Variants in MAML2 observed in about 807,000 individuals in gnomAD.
MAML2 encodes the protein mastermind-like protein 2.
A neutral mutation model predicts 96.1 loss-of-function variants in MAML2; 22 were observed. The observed-to-expected ratio is 0.23, with a 90% confidence interval of 0.16 to 0.33. The LOEUF (loss-of-function observed/expected upper bound fraction) is 0.33. Ranked by LOEUF, MAML2 falls within the 10% of genes least tolerant of loss-of-function variation. The pLI is 1.00. For missense variants in MAML2, 1,367 were observed against 1,392.4 expected, an observed-to-expected ratio of 0.98 and a Z score of 0.29; for synonymous variants, 561 against 521.3, an observed-to-expected ratio of 1.08 and a Z score of -1.04.
intron 1 of MAML2, among the ~76,000 whole-genome samples, chr11:96,208,506 C>T (rs1861924977): frequency 6.6e-6 from 1 of 152,154 alleles, no homozygotes; most frequent in Non-Finnish European, 1.5e-5. Flanking sequence ...ACTCTTGTTT[C>T]ATTTATTTCA....
chr11:96,291,013 AG>A (rs1318387864), intron 1 of MAML2, among the ~76,000 whole-genome samples: 3 of 143,332 alleles, frequency 2.1e-5, no homozygotes, highest in African/African-American at 7.6e-5. Context: ...TAACTTCTAA[AG>A]GCAAAAAAAC....
intron 1 of MAML2, among the ~76,000 whole-genome samples, chr11:96,293,337 A>C (rs1863242632): frequency 6.6e-6 from 1 of 152,226 alleles, no homozygotes; most frequent in Non-Finnish European, 1.5e-5. Context: ...GATATGAAAA[A>C]AAATTCACTG....
intron 1 of MAML2, among the ~76,000 whole-genome samples, chr11:96,132,665 G>A (rs182712257): frequency 1.4e-4 from 21 of 152,276 alleles, no homozygotes; most frequent in South Asian, 1.2e-3. Context: ...TGTTCTTAGC[G>A]TTCTGACAAC....
rs566664741 is a variant in MAML2, at chr11:96,072,035, G to C, written c.2139+19857C>G. ...TTGTATTTTTTTTAAAGTTAGGTGG[G>C]GCGTAAGATTTTACAGGATGTAGAA... On this transcript the variant is annotated intron_variant, in intron 2 of 4. Transcript: ENST00000524717. Among the ~76,000 whole-genome samples, 58 of 152,162 alleles carry C rather than the reference G, an allele frequency of 3.8e-4. 1 individual carries two copies. In the South Asian group the frequency reaches 0.012, roughly 31 times the overall value.
At chr11:96,232,698 C>G (rs539541468) in intron 1 of MAML2, among the ~76,000 whole-genome samples, 70 of 152,286 alleles carry the variant, frequency 4.6e-4, no homozygotes, top group African/African-American at 1.5e-3. Context: ...GTCTCGATCT[C>G]CTGACCTCGC....
chr11:96,217,066 A>G (rs2135943293), intron 1 of MAML2, among the ~76,000 whole-genome samples: 1 of 152,326 alleles, frequency 6.6e-6, no homozygotes, highest in East Asian at 1.9e-4. Flanking sequence ...AAGCAGACCA[A>G]TATGTTCGAA....
At chr11:96,333,895 G>A (rs979507868) in intron 1 of MAML2, among the ~76,000 whole-genome samples, 2 of 152,142 alleles carry the variant, frequency 1.3e-5, no homozygotes, top group African/African-American at 4.8e-5. Context: ...CCAATAGATG[G>A]TTTAAATTTC....
At chr11:96,141,759 G>A (rs1185518511) in intron 1 of MAML2, among the ~76,000 whole-genome samples, 1 of 152,208 alleles carries the variant, frequency 6.6e-6, no homozygotes, top group Non-Finnish European at 1.5e-5. Flanking sequence ...TTTGGAATCA[G>A]GAGTTTCTGT....
intron 2 of MAML2, among the ~76,000 whole-genome samples, chr11:96,002,703 G>A (rs1214676426): frequency 7.6e-5 from 4 of 52,646 alleles, no homozygotes; most frequent in East Asian, 6.2e-4. Context: ...AGCATGATGG[G>A]GATGATAAGG....
At chr11:96,243,096 T>C (rs1862459029) in intron 1 of MAML2, among the ~76,000 whole-genome samples, 1 of 151,664 alleles carries the variant, frequency 6.6e-6, no homozygotes, top group South Asian at 2.1e-4. Context: ...TAATAAGCAA[T>C]CTACCAACTT....
rs146388799 is a variant in MAML2, at chr11:96,282,196, C to T, written c.513+59187G>A. ...CCCGGGAGACGGAGCTTTTAGTGAG[C>T]GGAGATCAAGTCACTGCACTCCAAC... On this transcript the variant is annotated intron_variant, in intron 1 of 4. Coordinates refer to ENST00000524717, the MANE Select transcript of MAML2 (RefSeq NM_032427.4). Among the ~76,000 whole-genome samples the T allele has an allele frequency of 4.4e-3, 656 of 150,094 alleles. 7 individuals carry two copies. Among genetic ancestry groups the T allele is most frequent in the African/African-American group, 0.015 (627 of 40,700 alleles).
chr11:96,137,799 C>A (rs1743272362), intron 1 of MAML2, among the ~76,000 whole-genome samples: 1 of 152,104 alleles, frequency 6.6e-6, no homozygotes, highest in Non-Finnish European at 1.5e-5. Context: ...TGCATTAAAC[C>A]TGAAAATTAT....
At chr11:95,999,297 A>G (rs1858044480) in intron 2 of MAML2, among the ~76,000 whole-genome samples, 1 of 152,280 alleles carries the variant, frequency 6.6e-6, no homozygotes, top group East Asian at 1.9e-4. Flanking sequence ...TCAATATGTG[A>G]GAGATCTTTA....
intron 2 of MAML2, among the ~76,000 whole-genome samples, chr11:96,044,617 A>G (rs12293204): frequency 0.4 from 59,978 of 151,766 alleles, 12,113 homozygotes; most frequent in Non-Finnish European, 0.43. Flanking sequence ...TGATCAGCTA[A>G]CATCTTAGAA....
At chr11:96,050,073 A>G (rs1660414541) in intron 2 of MAML2, among the ~76,000 whole-genome samples, 1 of 152,154 alleles carries the variant, frequency 6.6e-6, no homozygotes, top group African/African-American at 2.4e-5. Context: ...ATCTCATTTT[A>G]TTCCATTTTA....
chr11:96,083,208 A>G (rs1031388663), intron 2 of MAML2, among the ~76,000 whole-genome samples: 38 of 152,178 alleles, frequency 2.5e-4, no homozygotes, highest in African/African-American at 8.9e-4. Context: ...TCTACAAAGC[A>G]ATTTTGATTC....
intron 2 of MAML2, among the ~76,000 whole-genome samples, chr11:96,083,905 G>A (rs1859567018): frequency 6.6e-6 from 1 of 152,180 alleles, no homozygotes; most frequent in Admixed American, 6.5e-5. Context: ...AGACCATATA[G>A]GATGGGAGCT....
Position 95,985,652 on chromosome 11 carries a change from T to C in MAML2, c.2344-10A>G, listed in dbSNP as rs1483526461. Reference sequence around the variant, plus strand: ...GTGGAGCAATTTTCTCCTTGAGAAATGATATGAAAGCATATTATGTTGCAT... The same window carrying C: ...GTGGAGCAATTTTCTCCTTGAGAAACGATATGAAAGCATATTATGTTGCAT... On this transcript the variant is annotated splice_polypyrimidine_tract_variant and intron_variant, in intron 3 of 4. Transcript: ENST00000524717. 6.5e-7 allele frequency: 1 copy of C among 1,539,856 alleles called. No homozygotes were observed. The highest frequency in any genetic ancestry group is 1.7e-5 in the Admixed American group (1 of 59,150).
intron 2 of MAML2, among the ~76,000 whole-genome samples, chr11:95,999,761 T>G (rs1238129662): frequency 6.6e-6 from 1 of 152,124 alleles, no homozygotes; most frequent in Non-Finnish European, 1.5e-5. Context: ...TGCCCTTTCT[T>G]TTTCTTGGCT....
Sources: allele counts gnomAD v4.1 joint callset (sites outside exome capture counted in the v4.1 genomes callset), GRCh38; gene constraint gnomAD v4.1.1; transcripts MANE v1.5; gene names NCBI Gene and HGNC (gene_info 2026-07-23, HGNC 2026-07-21).